The following UNC5D variants were observed in gnomAD, a reference collection of about 807,000 sequenced individuals.
UNC5D encodes netrin receptor UNC5D.
Under a neutral mutation model 105.4 loss-of-function variants are expected in UNC5D, and 39 were observed. The observed-to-expected ratio is 0.37, with a 90% confidence interval of 0.29 to 0.48. The LOEUF (loss-of-function observed/expected upper bound fraction) is 0.48, where lower values mean the gene tolerates loss of function less well. UNC5D is among the 20% of genes least tolerant of loss of function. The probability of loss-of-function intolerance (pLI) is 0.98; values close to 1 mark genes in which losing one functional copy is unlikely to be tolerated. For missense variants in UNC5D, 991 were observed against 1,202.4 expected, an observed-to-expected ratio of 0.82 and a Z score of 2.60; for synonymous variants, 452 against 450.4, an observed-to-expected ratio of 1.00 and a Z score of -0.04.
At chr8:35,748,458 C>T (rs964355879) in intron 11 of UNC5D, 69 bp from the exon 12 acceptor site, 3 of 1,509,642 alleles carry the variant, frequency 2.0e-6, no homozygotes, top group Non-Finnish European at 2.7e-6. Flanking sequence ...GTCTGTTAAC[C>T]AAATTCTCAT....
chr8:35,595,397 A>G (rs1333238997), intron 3 of UNC5D, among the ~76,000 whole-genome samples, 157 bp from the exon 4 acceptor site: 1 of 152,168 alleles, frequency 6.6e-6, no homozygotes, highest in African/African-American at 2.4e-5. Flanking sequence ...TATTTGGAAA[A>G]ACGATTCTCT....
At chr8:35,303,644 C>T (rs536199696) in intron 1 of UNC5D, among the ~76,000 whole-genome samples, 2 of 152,078 alleles carry the variant, frequency 1.3e-5, no homozygotes, top group Non-Finnish European at 2.9e-5. Flanking sequence ...TACATTCTCT[C>T]CTCTGCTTTT....
chr8:35,734,791 T>G (rs1284925748), intron 11 of UNC5D, among the ~76,000 whole-genome samples: 1 of 150,300 alleles, frequency 6.7e-6, no homozygotes, highest in Non-Finnish European at 1.5e-5. Context: ...AATTTTTTTT[T>G]TTTTTTTTTG....
intron 1 of UNC5D, among the ~76,000 whole-genome samples, chr8:35,510,799 G>A (rs374866849): frequency 6.6e-6 from 1 of 152,166 alleles, no homozygotes; most frequent in South Asian, 2.1e-4. Flanking sequence ...GCTCCCTGCT[G>A]CCTTCACTTG....
At chr8:35,305,047 C>G (rs1808234249) in intron 1 of UNC5D, among the ~76,000 whole-genome samples, 1 of 151,980 alleles carries the variant, frequency 6.6e-6, no homozygotes, top group African/African-American at 2.4e-5. Flanking sequence ...CCATGATCGT[C>G]CAGCTTTACT....
intron 1 of UNC5D, among the ~76,000 whole-genome samples, chr8:35,303,270 C>T (rs1420607584): frequency 2.0e-5 from 3 of 151,974 alleles, no homozygotes; most frequent in Non-Finnish European, 2.9e-5. Context: ...TTTATAGACC[C>T]AAAGTATTCC....
At chr8:35,242,976 T>A (rs1157783798) in intron 1 of UNC5D, among the ~76,000 whole-genome samples, 2 of 152,202 alleles carry the variant, frequency 1.3e-5, no homozygotes, top group Admixed American at 1.3e-4. Flanking sequence ...TCATGGGTTA[T>A]GGAAGCTAAG....
chr8:35,631,936 T>G (rs1822067424), intron 4 of UNC5D, among the ~76,000 whole-genome samples: 1 of 152,240 alleles, frequency 6.6e-6, no homozygotes, highest in Admixed American at 6.5e-5. Context: ...TTAAGTGTTA[T>G]GCATCATTTA....
chr8:35,588,935 C>T (rs1479882500), intron 3 of UNC5D, among the ~76,000 whole-genome samples: 3 of 151,906 alleles, frequency 2.0e-5, no homozygotes, highest in African/African-American at 4.8e-5. Context: ...CCCAGCTACT[C>T]AGGAGGTTGA....
At chr8:35,786,783 A>G (rs189758631) in intron 16 of UNC5D, among the ~76,000 whole-genome samples, 2 of 152,262 alleles carry the variant, frequency 1.3e-5, no homozygotes, top group East Asian at 3.9e-4. Flanking sequence ...ACTACTAGCT[A>G]TGGAAACCTA....
intron 8 of UNC5D, among the ~76,000 whole-genome samples, chr8:35,708,890 T>A (rs1297672054): frequency 6.6e-6 from 1 of 152,178 alleles, no homozygotes; most frequent in African/African-American, 2.4e-5. Context: ...GTTGAAATTA[T>A]CCTTCTCTGT....
chr8:35,472,556 T>C (rs987129198), intron 1 of UNC5D, among the ~76,000 whole-genome samples: 4 of 152,068 alleles, frequency 2.6e-5, no homozygotes, highest in Admixed American at 6.6e-5. Flanking sequence ...ACAAGAATGA[T>C]AGCACACTTA....
chr8:35,555,428 A>C (rs553833272), intron 2 of UNC5D, among the ~76,000 whole-genome samples: 1 of 152,312 alleles, frequency 6.6e-6, no homozygotes, highest in East Asian at 1.9e-4. Context: ...TAATCACTTT[A>C]TATAATTTAA....
chr8:35,609,251 G>T (rs749752302), intron 4 of UNC5D, among the ~76,000 whole-genome samples: 7 of 151,972 alleles, frequency 4.6e-5, no homozygotes, highest in Non-Finnish European at 1.0e-4. Context: ...CTCTTTAGTG[G>T]GGTTAGGTAT....
At chr8:35,681,837 C>T (rs1825683453) in intron 4 of UNC5D, among the ~76,000 whole-genome samples, 1 of 152,156 alleles carries the variant, frequency 6.6e-6, no homozygotes, top group Non-Finnish European at 1.5e-5. Context: ...TATTTAAGCT[C>T]TCATTCATGG....
At chr8:35,728,606 G>T (rs1829021614) in intron 10 of UNC5D, among the ~76,000 whole-genome samples, 1 of 152,136 alleles carries the variant, frequency 6.6e-6, no homozygotes, top group African/African-American at 2.4e-5. Flanking sequence ...TCTGTTATTT[G>T]CAGGAAATAA....
intron 4 of UNC5D, among the ~76,000 whole-genome samples, chr8:35,620,155 A>T (rs2131023728): frequency 6.6e-6 from 1 of 152,306 alleles, no homozygotes; most frequent in Admixed American, 6.5e-5. Context: ...GAACGATTTG[A>T]CAAAGACTTT....
chr8:35,732,646 G>A (rs185614891), intron 11 of UNC5D, among the ~76,000 whole-genome samples: 203 of 152,144 alleles, frequency 1.3e-3, no homozygotes, highest in Non-Finnish European at 2.3e-3. Context: ...AACATATCAT[G>A]CTGCAAAAAT....
intron 1 of UNC5D, among the ~76,000 whole-genome samples, chr8:35,357,462 A>G (rs918221816): frequency 3.9e-5 from 6 of 152,158 alleles, no homozygotes; most frequent in African/African-American, 1.4e-4. Context: ...TCTTGCCTCT[A>G]CCACATCTTA....
Sources: gnomAD v4.1 joint callset for allele counts (sites outside exome capture counted in the v4.1 genomes callset) on GRCh38, gnomAD v4.1.1 for gene constraint, MANE v1.5 for transcripts, NCBI Gene and HGNC (gene_info 2026-07-23, HGNC 2026-07-21) for gene names.